The following PCNX1 variants were observed in gnomAD, a reference collection of about 807,000 sequenced individuals.
PCNX1 encodes pecanex-like protein 1.
A neutral mutation model predicts 242.2 loss-of-function variants in PCNX1; 78 were observed. The observed-to-expected ratio is 0.32, with a 90% CI of 0.27 to 0.39. The LOEUF is 0.39. Ranked by LOEUF, PCNX1 falls within the 10% of genes least tolerant of loss-of-function variation. The probability of loss-of-function intolerance (pLI) is 1.00; values close to 1 mark genes in which losing one functional copy is unlikely to be tolerated. For missense variants in PCNX1, 2,581 were observed against 2,856.5 expected, an observed-to-expected ratio of 0.90 and a Z score of 2.20; for synonymous variants, 1,024 against 1,032.9, an observed-to-expected ratio of 0.99 and a Z score of 0.17.
intron 8 of PCNX1, among the ~76,000 whole-genome samples, chr14:70,996,428 A>G (rs952422134): frequency 6.6e-6 from 1 of 152,172 alleles, no homozygotes; most frequent in Non-Finnish European, 1.5e-5. Flanking sequence ...TAAGGACATC[A>G]TGGCTCCGTA....
chr14:70,967,546 C>G (rs551502929), intron 3 of PCNX1, among the ~76,000 whole-genome samples: 3 of 152,224 alleles, frequency 2.0e-5, no homozygotes, highest in Non-Finnish European at 4.4e-5. Flanking sequence ...AAGTGTTAAA[C>G]TATCTTGAAT....
At chr14:71,060,454 A>G (rs1231474708) in intron 26 of PCNX1, among the ~76,000 whole-genome samples, 1 of 152,202 alleles carries the variant, frequency 6.6e-6, no homozygotes, top group Non-Finnish European at 1.5e-5. Context: ...CATTTACTGT[A>G]TCTCTTGATT....
At chr14:71,033,654 C>A (rs917403497) in intron 17 of PCNX1, 116 bp downstream of exon 17, 6 of 629,446 alleles carry the variant, frequency 9.5e-6, no homozygotes, top group Non-Finnish European at 1.7e-5. Flanking sequence ...TTGGCCTAAT[C>A]TATATTAAGT....
chr14:71,019,121 T>C lies in PCNX1; in HGVS notation c.3109T>C (p.Phe1037Leu), dbSNP rs1201049375. Reference sequence around the variant, plus strand: ...CTTCAGAGATATCTGGGTCTTCCAGTTCTGCCTCGTCATAGCCAGCTGTCA... The same window carrying C: ...CTTCAGAGATATCTGGGTCTTCCAGCTCTGCCTCGTCATAGCCAGCTGTCA... ...GFFRDIWVFQFCLVIASCQYS... is the reference protein window; with the variant it reads ...GFFRDIWVFQLCLVIASCQYS... The change falls in exon 12 of 36, where the codon TTC becomes CTC. Residue 1037 changes from phenylalanine to leucine, a missense_variant. Phe to Leu is a conservative substitution (Grantham distance 22). Around this residue, in one of 9 missense-constraint regions of PCNX1, gnomAD observed 55 missense variants for 49.8 expected, o/e 1.10. Transcript: ENST00000304743. The C allele has an allele frequency of 1.2e-6, 2 of 1,612,696 alleles. No homozygotes were observed. The highest frequency in any genetic ancestry group is 1.7e-6 in the Non-Finnish European group (2 of 1,179,276).
At chr14:70,919,212 A>G (rs1456288866) in intron 1 of PCNX1, among the ~76,000 whole-genome samples, 1 of 152,192 alleles carries the variant, frequency 6.6e-6, no homozygotes, top group African/African-American at 2.4e-5. Flanking sequence ...AACATCCAGT[A>G]ATAAGTATCA....
intron 8 of PCNX1, among the ~76,000 whole-genome samples, chr14:71,004,203 G>A (rs1208530092): frequency 6.6e-6 from 1 of 152,222 alleles, no homozygotes; most frequent in African/African-American, 2.4e-5. Flanking sequence ...GAAGCCTAAA[G>A]TATGTATTAT....
rs117743172 is a variant in PCNX1 at position 70,913,020 on chromosome 14, C to T, written c.153+5017C>T. On this transcript the variant is annotated intron_variant, in intron 1 of 35. Coordinates refer to ENST00000304743, the MANE Select transcript of PCNX1 (RefSeq NM_014982.3). ...ATAGGTTCCCTCTCTTTTTTTTCAT[C>T]ATTCCATTCCATAACTTTCTTCCAT... Among the ~76,000 whole-genome samples the T allele has an allele frequency of 4.5e-4, 68 of 152,114 alleles. 1 individual carries two copies. In the East Asian group the frequency reaches 7.1e-3, roughly 16 times the overall value.
chr14:70,963,237 C>T (rs2058275613), intron 3 of PCNX1, among the ~76,000 whole-genome samples: 1 of 152,154 alleles, frequency 6.6e-6, no homozygotes, highest in South Asian at 2.1e-4. Context: ...CTACATTTCT[C>T]AAGATTTTCA....
At chr14:71,077,590 T>C (rs779995194) in intron 28 of PCNX1, among the ~76,000 whole-genome samples, 9 of 152,134 alleles carry the variant, frequency 5.9e-5, no homozygotes, top group Middle Eastern at 3.2e-3. Flanking sequence ...CTTTGAGCTT[T>C]TATACTAGAT....
At chr14:70,959,312 C>G (rs1391753650) in intron 2 of PCNX1, among the ~76,000 whole-genome samples, 2 of 150,118 alleles carry the variant, frequency 1.3e-5, no homozygotes, top group African/African-American at 2.5e-5. Flanking sequence ...ACATGCCATG[C>G]TGGTGAGCTG....
intron 10 of PCNX1, chr14:71,012,643 A>C (rs2059852385): frequency 3.3e-6 from 1 of 303,098 alleles, no homozygotes; most frequent in Non-Finnish European, 6.3e-6. Flanking sequence ...CAGCCTGGCC[A>C]AGATGGTAAA....
chr14:71,064,592 A>G (rs1047005175), intron 26 of PCNX1, among the ~76,000 whole-genome samples: 2 of 152,184 alleles, frequency 1.3e-5, no homozygotes, highest in African/African-American at 4.8e-5. Context: ...AACACATAAA[A>G]CTAAGAAATA....
chr14:70,946,795 C>T lies in PCNX1; in HGVS notation c.154-120C>T, dbSNP rs2057474022. 7 of 748,118 alleles carry T rather than the reference C, an allele frequency of 9.4e-6. No individual in the cohort carries two copies. The Admixed American group carries it at 1.6e-4, about 17-fold the overall frequency. 46.3% of individuals were successfully genotyped at this position (748,118 alleles called of 1,614,324 possible). Reference sequence around the variant, plus strand: ...AGCTGCTAAGTTTTGCAGCTTAGCGCTAGTAACATAGTTGTTGCTTTGTGT... The same window carrying T: ...AGCTGCTAAGTTTTGCAGCTTAGCGTTAGTAACATAGTTGTTGCTTTGTGT... On this transcript the variant is annotated intron_variant, in intron 1 of 35. Transcript: ENST00000304743.
Position 71,109,810 on chromosome 14 carries a change from G to A in PCNX1, c.6901G>A (p.Val2301Met), listed in dbSNP as rs2062719373. 6.2e-7 allele frequency: 1 copy of A among 1,613,818 alleles called. No homozygotes were observed. The highest frequency in any genetic ancestry group is 8.5e-7 in the Non-Finnish European group (1 of 1,179,802). ...GMEGHVIHRWVPCSRDPGTRS... is the reference protein window; with the variant it reads ...GMEGHVIHRWMPCSRDPGTRS... ...GAATCATTAGGTGATTCACCGATGG[G>A]TGCCTTGCAGCAGAGATCCAGGTAC... Residue 2301 changes from valine to methionine, a missense_variant, in exon 36 of 36, where the codon GTG becomes ATG. Physicochemically the swap from Val to Met is conservative, Grantham distance 21. Transcript: ENST00000304743.
chr14:71,098,553 T>TGTGTGTGTGA (rs60367565), intron 30 of PCNX1, among the ~76,000 whole-genome samples: 72 of 125,734 alleles, frequency 5.7e-4, no homozygotes, highest in African/African-American at 1.5e-3. Flanking sequence ...TGTGTGTGTG[T>TGTGTGTGTGA]GAGAGAGAGA....
chr14:71,092,098 A>C lies in PCNX1; in HGVS notation c.5589+2756A>C, dbSNP rs370287265. On this transcript the variant is annotated intron_variant, in intron 30 of 35. Coordinates refer to ENST00000304743, the MANE Select transcript of PCNX1 (RefSeq NM_014982.3). ...AGAAAAGTCATGACATTAAAAGGAA[A>C]GGTTGAGTTGCTTGATATGTGCCGT... Among the ~76,000 whole-genome samples, 3 of 152,258 alleles carry C rather than the reference A, an allele frequency of 2.0e-5. No homozygotes were observed. In the South Asian group the frequency reaches 6.2e-4, roughly 31 times the overall value.
Position 71,113,987 on chromosome 14 carries a change from T to A in PCNX1, c.*4052T>A, listed in dbSNP as rs2062805830. The A allele has an allele frequency of 6.6e-6, 1 of 152,214 alleles. No homozygotes were observed. Among genetic ancestry groups the A allele is most frequent in the Non-Finnish European group, 1.5e-5 (1 of 68,022 alleles). 9.4% of individuals were successfully genotyped at this position (152,214 alleles called of 1,614,324 possible). On this transcript the variant is annotated 3_prime_UTR_variant, in exon 36 of 36. Coordinates refer to ENST00000304743, the MANE Select transcript of PCNX1 (RefSeq NM_014982.3). ...TTCTCTTTTGATAGGATACATGGTTTAGATAAGGTATAAAGTGTCCCTTTT... is the reference window on the plus strand; with the variant it reads ...TTCTCTTTTGATAGGATACATGGTTAAGATAAGGTATAAAGTGTCCCTTTT...
intron 3 of PCNX1, among the ~76,000 whole-genome samples, chr14:70,966,270 C>T (rs1193914426): frequency 3.9e-5 from 6 of 152,280 alleles, no homozygotes; most frequent in Non-Finnish European, 8.8e-5. Flanking sequence ...ATAGAATACT[C>T]AACTAATAGT....
At chr14:70,942,552 G>T (rs974113554) in intron 1 of PCNX1, among the ~76,000 whole-genome samples, 2 of 152,132 alleles carry the variant, frequency 1.3e-5, no homozygotes, top group East Asian at 1.9e-4. Flanking sequence ...TACCAGCTGG[G>T]TATCCTCCAA....
Sources: gnomAD v4.1 joint callset for allele counts (sites outside exome capture counted in the v4.1 genomes callset) on GRCh38, gnomAD v4.1.1 for gene constraint, gnomAD v4.1.1 regional missense constraint, MANE v1.5 for transcripts, NCBI Gene and HGNC (gene_info 2026-07-23, HGNC 2026-07-21) for gene names.